CYP3A7: variants seen among roughly 807,000 people sequenced by gnomAD.
CYP3A7 encodes the protein cytochrome P450 3A7.
A neutral mutation model predicts 55.2 loss-of-function variants in CYP3A7; 45 were observed. That is an observed-to-expected ratio of 0.82 (90% CI 0.64 to 1.05). The LOEUF is 1.05. Among genes scored for constraint, CYP3A7 ranks in the 50% least tolerant of loss-of-function variants. The pLI is 0.00. For missense variants in CYP3A7, 548 were observed against 605.3 expected (o/e 0.91, Z 0.99); for synonymous variants, 180 against 207.4 (o/e 0.87, Z 1.13).
At chr7:99,731,819 G>A (rs140674904) in intron 1 of CYP3A7, among the ~76,000 whole-genome samples, 98 of 152,174 alleles carry the variant, frequency 6.4e-4, no homozygotes, top group African/African-American at 2.1e-3. Context: ...GTAGAAGTGC[G>A]AGCACCTTTT....
At position 99,709,324 on chromosome 7, in the gene CYP3A7, A is replaced by T. The variant is rs1813656368; in HGVS notation, c.1027-63T>A. The stretch of plus-strand genomic sequence containing the variant: ...TTTGAATTAACTTTTAACTCAGTCC[A>T]TGTAGTACTGTTGAACTGTTAGAAG... On this transcript the variant is annotated intron_variant, in intron 10 of 12. Transcript: ENST00000336374. 1.6e-5 allele frequency: 25 copies of T among 1,571,342 alleles called. No individual in the cohort carries two copies. In the South Asian group the frequency reaches 2.4e-4, roughly 15 times the overall value.
intron 3 of CYP3A7, among the ~76,000 whole-genome samples, chr7:99,721,739 A>T (rs1814205321): frequency 1.4e-5 from 2 of 142,524 alleles, no homozygotes; most frequent in African/African-American, 5.8e-5. Context: ...CAAAATTATG[A>T]CACGTGTGTG....
intron 2 of CYP3A7, among the ~76,000 whole-genome samples, chr7:99,725,522 C>T (rs1814377669): frequency 6.6e-6 from 1 of 152,214 alleles, no homozygotes; most frequent in African/African-American, 2.4e-5. Flanking sequence ...TTCAAAACCT[C>T]CTCATGGACC....
At chr7:99,719,042 G>C (rs1814079421) in intron 4 of CYP3A7, among the ~76,000 whole-genome samples, 1 of 152,180 alleles carries the variant, frequency 6.6e-6, no homozygotes, top group Non-Finnish European at 1.5e-5. Context: ...TTCATGAATT[G>C]AAAGACCAAA....
Position 99,722,281 on chromosome 7 carries a change from T to G in CYP3A7, c.218+15A>C, listed in dbSNP as rs1009581667. 1 of 1,613,434 alleles carries G rather than the reference T, an allele frequency of 6.2e-7. No homozygotes were observed. Among genetic ancestry groups the G allele is most frequent in the African/African-American group, 1.3e-5 (1 of 74,880 alleles). Reference sequence around the variant, plus strand: ...AGAAACAAGTCTATCCAATGGAATCTTCCAGAATACTCACCCCCAGACTTT... The same window carrying G: ...AGAAACAAGTCTATCCAATGGAATCGTCCAGAATACTCACCCCCAGACTTT... On this transcript the variant is annotated intron_variant, in intron 3 of 12. Transcript: ENST00000336374.
intron 7 of CYP3A7, among the ~76,000 whole-genome samples, chr7:99,715,151 C>T (rs1813890968): frequency 6.6e-6 from 1 of 152,106 alleles, no homozygotes; most frequent in African/African-American, 2.4e-5. Context: ...AAACAATAAA[C>T]TTTTAAGCAA....
At chr7:99,726,943 C>A (rs1288476838) in intron 2 of CYP3A7, among the ~76,000 whole-genome samples, 1 of 152,202 alleles carries the variant, frequency 6.6e-6, no homozygotes, top group African/African-American at 2.4e-5. Context: ...ACCCCTTCTA[C>A]AAAACAACTC....
intron 2 of CYP3A7, among the ~76,000 whole-genome samples, chr7:99,725,105 A>T (rs548931165): frequency 6.6e-6 from 1 of 152,286 alleles, no homozygotes; most frequent in Non-Finnish European, 1.5e-5. Context: ...CAAGGGGTTC[A>T]AAAAAGCAGC....
intron 2 of CYP3A7, 40 bp from the exon 3 acceptor site, chr7:99,722,388 A>G (rs1334122011): frequency 1.2e-6 from 2 of 1,607,906 alleles, no homozygotes; most frequent in Non-Finnish European, 1.7e-6. Context: ...TATTATTTTA[A>G]GTGTACTTAA....
chr7:99,722,395 T>G lies in CYP3A7; in HGVS notation c.166-47A>C. ...TATTTCATTATTATTTTAAGTGTAC[T>G]TAACCCTGCCTCTAATTGGGGTTGA... On this transcript the variant is annotated intron_variant, in intron 2 of 12. Coordinates refer to ENST00000336374, the MANE Select transcript of CYP3A7 (RefSeq NM_000765.5). 3 of 1,604,698 alleles carry G rather than the reference T, an allele frequency of 1.9e-6. No homozygotes were observed. The South Asian group carries it at 3.3e-5, about 18-fold the overall frequency.
intron 2 of CYP3A7, among the ~76,000 whole-genome samples, chr7:99,728,424 C>T (rs148977003): frequency 3.9e-5 from 6 of 152,284 alleles, no homozygotes; most frequent in African/African-American, 1.2e-4. Flanking sequence ...TGCTCTTTCT[C>T]ATACCCAGTT....
At position 99,711,784 on chromosome 7, in the gene CYP3A7, C is replaced by CAA. The variant is rs964676501; in HGVS notation, c.866-894_866-893dup. Among the ~76,000 whole-genome samples the CAA allele has an allele frequency of 7.3e-5, 11 of 151,632 alleles. No individual in the cohort carries two copies. In the East Asian group the frequency reaches 7.8e-4, roughly 11 times the overall value. On this transcript the variant is annotated intron_variant, in intron 9 of 12. Coordinates refer to ENST00000336374, the MANE Select transcript of CYP3A7 (RefSeq NM_000765.5). ...AACTCTGTCTCAAAACAAAACAAAACAACAACAACAACAACAAAAACAGAA... is the reference window on the plus strand; with the variant it reads ...AACTCTGTCTCAAAACAAAACAAAACAAAACAACAACAACAACAAAAACAGAA...
chr7:99,716,027 C>T, intron 6 of CYP3A7, 121 bp from the exon 7 acceptor site: 2 of 1,583,352 alleles, frequency 1.3e-6, no homozygotes, highest in Non-Finnish European at 1.7e-6. Context: ...ACTTTCAGAA[C>T]TATTTACTGG....
intron 2 of CYP3A7, 115 bp from the exon 3 acceptor site, chr7:99,722,463 G>T: frequency 7.6e-7 from 1 of 1,318,344 alleles, no homozygotes; most frequent in Non-Finnish European, 1.1e-6. Context: ...GGCAGTTAGA[G>T]GAAGCTTATT....
intron 1 of CYP3A7, among the ~76,000 whole-genome samples, chr7:99,734,033 T>A (rs545269399): frequency 2.6e-5 from 4 of 152,194 alleles, no homozygotes; most frequent in Non-Finnish European, 5.9e-5. Flanking sequence ...ATAGCCCTCT[T>A]TTATCACTCA....
chr7:99,717,131 A>G (rs1192428024), intron 6 of CYP3A7, 46 bp downstream of exon 6: 1 of 1,610,504 alleles, frequency 6.2e-7, no homozygotes, highest in Non-Finnish European at 8.5e-7. Flanking sequence ...AGGCAGCTGG[A>G]GGGGCTCATG....
At chr7:99,721,141 C>T (rs1320393605) in intron 3 of CYP3A7, among the ~76,000 whole-genome samples, 1 of 152,192 alleles carries the variant, frequency 6.6e-6, no homozygotes, top group Non-Finnish European at 1.5e-5. Flanking sequence ...AATCACAGTC[C>T]ATCAGCCCAC....
intron 1 of CYP3A7, among the ~76,000 whole-genome samples, chr7:99,731,513 AT>A (rs1814618558): frequency 1.3e-5 from 2 of 152,084 alleles, no homozygotes; most frequent in African/African-American, 4.8e-5. Flanking sequence ...CTCTTCCCTG[AT>A]TTTGGGATTC....
At position 99,717,541 on chromosome 7, in the gene CYP3A7, G is replaced by T. The variant is rs144167377; in HGVS notation, c.417C>A (p.Ser139Arg). Reference sequence around the variant, plus strand: ...ATTTTCATACCTCCTTGAGTTTTCCGCTGGTGAATGTTGGAGACAGCAATG... The same window carrying T: ...ATTTTCATACCTCCTTGAGTTTTCCTCTGGTGAATGTTGGAGACAGCAATG... ...IRSLLSPTFT[S>R]GKLKEMVPII... The change falls in exon 5 of 13, where the codon AGC becomes AGA. Residue 139 changes from serine (S) to arginine (R), a missense_variant. Transcript: ENST00000336374. 4 of 1,613,578 alleles carry T rather than the reference G, an allele frequency of 2.5e-6. No homozygotes were observed. The highest frequency in any genetic ancestry group is 4.5e-5 in the East Asian group (2 of 44,800).
Sources: gnomAD v4.1 joint callset for allele counts (sites outside exome capture counted in the v4.1 genomes callset) on GRCh38, gnomAD v4.1.1 for gene constraint, MANE v1.5 for transcripts, NCBI Gene and HGNC (gene_info 2026-07-23, HGNC 2026-07-21) for gene names.